The following UBE2G1 variants were observed in gnomAD, a reference collection of about 807,000 sequenced individuals.
UBE2G1 encodes the protein ubiquitin conjugating enzyme E2 G1, also known as ubiquitin-conjugating enzyme E2 G1.
UBE2G1 carries 5 observed loss-of-function variants against 22.7 expected under a neutral mutation model. The ratio of observed to expected loss-of-function variants is 0.22; its 90% confidence interval spans 0.12 to 0.46. The LOEUF is 0.46. Among genes scored for constraint, UBE2G1 ranks in the 20% least tolerant of loss-of-function variants. The pLI, the probability that UBE2G1 is intolerant of heterozygous loss-of-function variation, is 0.99. For missense variants in UBE2G1, 88 were observed against 203.9 expected (o/e 0.43, Z 3.46); for synonymous variants, 74 against 67.5 (o/e 1.10, Z -0.47).
chr17:4,295,608 T>G (rs1371615483), intron 3 of UBE2G1, among the ~76,000 whole-genome samples: 1 of 152,156 alleles, frequency 6.6e-6, no homozygotes, highest in Non-Finnish European at 1.5e-5. Flanking sequence ...ATTAGTATAA[T>G]AGCCTAAAGA....
intron 1 of UBE2G1, among the ~76,000 whole-genome samples, chr17:4,360,462 C>T (rs1969953933): frequency 6.6e-6 from 1 of 152,098 alleles, no homozygotes; most frequent in South Asian, 2.1e-4. Flanking sequence ...ACATTCTTCA[C>T]CTGAGAAAAG....
intron 3 of UBE2G1, among the ~76,000 whole-genome samples, chr17:4,296,288 G>A (rs1014871963): frequency 5.9e-5 from 9 of 151,668 alleles, no homozygotes; most frequent in Admixed American, 4.6e-4. Flanking sequence ...TTTGGGACAC[G>A]GTCTCACTCT....
At chr17:4,299,738 TTC>T (rs1969151893) in intron 2 of UBE2G1, among the ~76,000 whole-genome samples, 1 of 152,126 alleles carries the variant, frequency 6.6e-6, no homozygotes. Flanking sequence ...ACCATAGCAT[TTC>T]TGAGTTTTTC....
intron 2 of UBE2G1, chr17:4,301,396 C>T (rs1969178255): frequency 1.7e-6 from 1 of 603,988 alleles, no homozygotes; most frequent in African/African-American, 1.8e-5. Context: ...CTTCTGTGGC[C>T]TCCAGTCACC....
intron 1 of UBE2G1, among the ~76,000 whole-genome samples, chr17:4,326,095 A>G (rs1969501877): frequency 6.6e-6 from 1 of 152,160 alleles, no homozygotes; most frequent in African/African-American, 2.4e-5. Flanking sequence ...AGCAATAGAG[A>G]CAAAAGAAAA....
chr17:4,352,998 C>T (rs888070202), intron 1 of UBE2G1, among the ~76,000 whole-genome samples: 1 of 152,138 alleles, frequency 6.6e-6, no homozygotes, highest in Admixed American at 6.6e-5. Context: ...ACGGACGGAT[C>T]ACGAGGTCAG....
chr17:4,361,222 T>TG (rs1969962733), intron 1 of UBE2G1, among the ~76,000 whole-genome samples: 1 of 140,544 alleles, frequency 7.1e-6, no homozygotes, highest in Non-Finnish European at 1.5e-5. Context: ...GACTCTGTGT[T>TG]GGGAAAAAAA....
At chr17:4,281,523 G>A (rs1208479863) in intron 5 of UBE2G1, among the ~76,000 whole-genome samples, 1 of 152,082 alleles carries the variant, frequency 6.6e-6, no homozygotes, top group African/African-American at 2.4e-5. Context: ...GTGTATTTCG[G>A]TTTCTCCCTC....
At chr17:4,363,473 C>A (rs1409244006) in intron 1 of UBE2G1, among the ~76,000 whole-genome samples, 1 of 152,048 alleles carries the variant, frequency 6.6e-6, no homozygotes, top group Admixed American at 6.6e-5. Context: ...TTAATATTTG[C>A]TATATACATT....
intron 1 of UBE2G1, among the ~76,000 whole-genome samples, chr17:4,340,914 A>C (rs1322304470): frequency 7.6e-6 from 1 of 131,512 alleles, no homozygotes; most frequent in Non-Finnish European, 1.5e-5. Flanking sequence ...AAAAAAAAAC[A>C]AAACCTTCAA....
intron 1 of UBE2G1, among the ~76,000 whole-genome samples, chr17:4,359,872 C>CAAAA (rs538222115): frequency 2.7e-5 from 4 of 148,392 alleles, no homozygotes; most frequent in Admixed American, 6.8e-5. Flanking sequence ...AAAAAACAAA[C>CAAAA]AAAAAAAAAC....
intron 1 of UBE2G1, among the ~76,000 whole-genome samples, chr17:4,316,024 C>T (rs900299844): frequency 2.0e-5 from 3 of 151,840 alleles, no homozygotes; most frequent in Admixed American, 2.0e-4. Flanking sequence ...ACCGTGGTCT[C>T]GATCTCCTGA....
intron 1 of UBE2G1, among the ~76,000 whole-genome samples, chr17:4,315,187 T>TA (rs1473886000): frequency 6.6e-6 from 1 of 152,188 alleles, no homozygotes; most frequent in African/African-American, 2.4e-5. Context: ...ATCCATGACC[T>TA]AATCACTTCA....
At chr17:4,348,727 G>A (rs1001143421) in intron 1 of UBE2G1, among the ~76,000 whole-genome samples, 1 of 151,090 alleles carries the variant, frequency 6.6e-6, no homozygotes, top group Non-Finnish European at 1.5e-5. Context: ...TAGGCATGGT[G>A]GCATGTGCCT....
chr17:4,305,057 A>G (rs1969233265), intron 2 of UBE2G1, among the ~76,000 whole-genome samples: 1 of 150,370 alleles, frequency 6.7e-6, no homozygotes, highest in African/African-American at 2.5e-5. Flanking sequence ...GATTCAAGCG[A>G]TTCTCCTGCC....
At chr17:4,294,426 A>G (rs1001858199) in intron 3 of UBE2G1, among the ~76,000 whole-genome samples, 6 of 19,874 alleles carry the variant, frequency 3.0e-4, no homozygotes, top group East Asian at 5.6e-3. Context: ...AAAAAAAAAA[A>G]AAAAAAAAAA....
At chr17:4,277,871 C>CTATATTGTAGACTA (rs1157075550) in intron 5 of UBE2G1, among the ~76,000 whole-genome samples, 2 of 151,908 alleles carry the variant, frequency 1.3e-5, no homozygotes, top group Non-Finnish European at 2.9e-5. Flanking sequence ...AGGCTGCTGA[C>CTATATTGTAGACTA]TATTCAGTCT....
chr17:4,277,304 A>C (rs1338733559), intron 5 of UBE2G1, among the ~76,000 whole-genome samples: 2 of 152,182 alleles, frequency 1.3e-5, no homozygotes, highest in African/African-American at 2.4e-5. Context: ...CCCAGATCCC[A>C]TGGCCATGGA....
At chr17:4,318,488 C>T (rs1017853290) in intron 1 of UBE2G1, among the ~76,000 whole-genome samples, 5 of 152,134 alleles carry the variant, frequency 3.3e-5, no homozygotes, top group Admixed American at 6.5e-5. Context: ...GAAGCCAAAA[C>T]GAAGAATAAG....
Sources: allele counts gnomAD v4.1 joint callset (sites outside exome capture counted in the v4.1 genomes callset), GRCh38; gene constraint gnomAD v4.1.1; transcripts MANE v1.5; gene names NCBI Gene and HGNC (gene_info 2026-07-23, HGNC 2026-07-21).